The following DGKI variants were observed in gnomAD, a reference collection of about 807,000 sequenced individuals.
DGKI encodes the protein DAG kinase iota.
A neutral mutation model predicts 147.5 loss-of-function variants in DGKI; 55 were observed. The ratio of observed to expected loss-of-function variants is 0.37; its 90% CI spans 0.30 to 0.47. The LOEUF (loss-of-function observed/expected upper bound fraction) is 0.47. Ranked by LOEUF, DGKI falls within the 20% of genes least tolerant of loss-of-function variation. The probability of loss-of-function intolerance (pLI) is 1.00; values close to 1 mark genes in which losing one functional copy is unlikely to be tolerated. For missense variants in DGKI, 1,007 were observed against 1,323.8 expected (o/e 0.76, Z 3.71); for synonymous variants, 469 against 477.1 (o/e 0.98, Z 0.22).
rs145700961 is a variant in DGKI at position 137,568,186 on chromosome 7, T to G, written c.1947+2989A>C. On this transcript the variant is annotated intron_variant, in intron 19 of 32. Transcript: ENST00000614521. ...TTACCCACATCTTTAGCACCACCTGTGATCACTCTCTCTTTTCACCTACAT... is the reference window on the plus strand; with the variant it reads ...TTACCCACATCTTTAGCACCACCTGGGATCACTCTCTCTTTTCACCTACAT... Among the ~76,000 whole-genome samples the G allele has an allele frequency of 5.2e-3, 798 of 152,316 alleles. 13 individuals carry two copies. The highest frequency in any genetic ancestry group is 0.018 in the African/African-American group (752 of 41,564).
At chr7:137,843,672 T>C (rs1798617153) in intron 1 of DGKI, among the ~76,000 whole-genome samples, 1 of 151,744 alleles carries the variant, frequency 6.6e-6, no homozygotes, top group African/African-American at 2.4e-5. Context: ...CAGGAGTCAC[T>C]GCATATGCCC....
At chr7:137,458,801 C>T (rs1397896962) in intron 27 of DGKI, among the ~76,000 whole-genome samples, 6 of 152,130 alleles carry the variant, frequency 3.9e-5, no homozygotes, top group African/African-American at 1.4e-4. Context: ...TGTCACTAAT[C>T]GTGGTGGTAC....
At chr7:137,788,860 C>G (rs1206516959) in intron 1 of DGKI, among the ~76,000 whole-genome samples, 1 of 152,170 alleles carries the variant, frequency 6.6e-6, no homozygotes, top group Non-Finnish European at 1.5e-5. Context: ...CTGTGCTTCA[C>G]TATGTGCCCT....
intron 1 of DGKI, among the ~76,000 whole-genome samples, chr7:137,717,004 T>C (rs371197212): frequency 2.0e-5 from 3 of 152,236 alleles, no homozygotes; most frequent in African/African-American, 7.2e-5. Flanking sequence ...TCTTTTCTTA[T>C]GGAACTCATC....
intron 1 of DGKI, among the ~76,000 whole-genome samples, chr7:137,701,924 G>T (rs1823998272): frequency 6.6e-6 from 1 of 152,110 alleles, no homozygotes; most frequent in South Asian, 2.1e-4. Context: ...GTATTATAAA[G>T]CTATAGAAAT....
intron 12 of DGKI, among the ~76,000 whole-genome samples, chr7:137,591,160 C>T (rs781164397): frequency 6.6e-6 from 1 of 152,224 alleles, no homozygotes; most frequent in Non-Finnish European, 1.5e-5. Context: ...TACCCTTGGT[C>T]TATGCAGAAA....
rs548266429 is a variant in DGKI, at chr7:137,682,160, G to A, written c.511-3508C>T. On this transcript the variant is annotated intron_variant, in intron 2 of 32. Coordinates refer to ENST00000614521, the MANE Select transcript of DGKI (RefSeq NM_001321708.2). ...AGCTGAGTGTGGTCTTGGGGGTCCC[G>A]AACTTGCAACTGATGTCAGAAGACA... Among the ~76,000 whole-genome samples the A allele has an allele frequency of 4.6e-5, 7 of 151,966 alleles. No homozygotes were observed. The East Asian group carries it at 9.7e-4, about 21-fold the overall frequency.
chr7:137,738,563 T>C (rs1795088145), intron 1 of DGKI, among the ~76,000 whole-genome samples: 1 of 152,170 alleles, frequency 6.6e-6, no homozygotes, highest in East Asian at 1.9e-4. Flanking sequence ...TTATAAACTT[T>C]AAGCATTAAC....
At chr7:137,493,210 T>A (rs1815835790) in intron 21 of DGKI, among the ~76,000 whole-genome samples, 1 of 152,070 alleles carries the variant, frequency 6.6e-6, no homozygotes, top group African/African-American at 2.4e-5. Flanking sequence ...TGCCCTATGT[T>A]GCCATTGCCT....
intron 20 of DGKI, among the ~76,000 whole-genome samples, chr7:137,545,590 A>C (rs1817837051): frequency 6.6e-6 from 1 of 152,192 alleles, no homozygotes; most frequent in African/African-American, 2.4e-5. Context: ...GTAATGACAT[A>C]GTCTAACGGT....
intron 28 of DGKI, among the ~76,000 whole-genome samples, chr7:137,413,400 G>A (rs1194216138): frequency 5.4e-5 from 8 of 147,578 alleles, no homozygotes; most frequent in Non-Finnish European, 1.0e-4. Context: ...AGTGAACATA[G>A]TACTCAACAA....
intron 1 of DGKI, among the ~76,000 whole-genome samples, chr7:137,781,853 C>A (rs926380302): frequency 2.6e-5 from 4 of 152,178 alleles, no homozygotes; most frequent in Admixed American, 2.6e-4. Flanking sequence ...ATGATGGCAT[C>A]CTACGAGTTG....
intron 28 of DGKI, among the ~76,000 whole-genome samples, 197 bp from the exon 29 acceptor site, chr7:137,412,404 A>G (rs920779526): frequency 9.9e-5 from 15 of 152,114 alleles, no homozygotes; most frequent in Admixed American, 2.6e-4. Flanking sequence ...GCACCCTTCT[A>G]GGGCCCATGC....
intron 17 of DGKI, among the ~76,000 whole-genome samples, chr7:137,575,722 G>A (rs1461470707): frequency 1.3e-5 from 2 of 152,164 alleles, no homozygotes; most frequent in Non-Finnish European, 2.9e-5. Context: ...CTAGCTTTAA[G>A]AAGGCAATAT....
intron 10 of DGKI, among the ~76,000 whole-genome samples, chr7:137,607,405 G>C (rs1390230654): frequency 6.6e-6 from 1 of 152,116 alleles, no homozygotes; most frequent in African/African-American, 2.4e-5. Flanking sequence ...GAAATAGGAA[G>C]CAATATTAGA....
chr7:137,645,489 A>G lies in DGKI; in HGVS notation c.787T>C (p.Cys263Arg). 1.2e-6 allele frequency: 2 copies of G among 1,613,560 alleles called. No individual in the cohort carries two copies. Among genetic ancestry groups the G allele is most frequent in the Non-Finnish European group, 1.7e-6 (2 of 1,179,656 alleles). ...WVHRRRQEGKCKQCGKGFQQK... is the reference protein window; with the variant it reads ...WVHRRRQEGKRKQCGKGFQQK... ...GCTCTTACCTTACCACACTGCTTAC[A>G]TTTCCCCTCCTGCCGACGCCTGTGC... Residue 263 changes from cysteine to arginine, a missense_variant, in exon 6 of 33, where the codon TGT becomes CGT. By Grantham distance (180) the Cys-to-Arg change is radical (BLOSUM62 -3). This residue lies in a region of DGKI where 259 missense variants were observed against 362.5 expected (regional missense o/e 0.71). Coordinates refer to ENST00000614521, the MANE Select transcript of DGKI (RefSeq NM_001321708.2).
intron 19 of DGKI, among the ~76,000 whole-genome samples, chr7:137,570,793 T>C: frequency 6.6e-6 from 1 of 152,276 alleles, no homozygotes; most frequent in Non-Finnish European, 1.5e-5. Flanking sequence ...TTCACCATGT[T>C]GGTCAGGCTC....
chr7:137,820,208 G>A (rs981207153), intron 1 of DGKI, among the ~76,000 whole-genome samples: 1 of 152,152 alleles, frequency 6.6e-6, no homozygotes, highest in Non-Finnish European at 1.5e-5. Context: ...GGATGCTAAA[G>A]TCAGAGAAAT....
At position 137,395,580 on chromosome 7, in the gene DGKI, A is replaced by T. The variant is rs781723709; in HGVS notation, c.3057+18T>A. 4 of 1,608,572 alleles carry T rather than the reference A, an allele frequency of 2.5e-6. No homozygotes were observed. The highest frequency in any genetic ancestry group is 2.2e-5 in the East Asian group (1 of 44,756). On this transcript the variant is annotated intron_variant, in intron 32 of 32. Coordinates refer to ENST00000614521, the MANE Select transcript of DGKI (RefSeq NM_001321708.2). ...TCTCGCCCAGCGGGAGGATGTTTGC[A>T]CTCACTCATCGAGTTACCTTGGAGT...
Sources: gnomAD v4.1 joint callset for allele counts (sites outside exome capture counted in the v4.1 genomes callset) on GRCh38, gnomAD v4.1.1 for gene constraint, gnomAD v4.1.1 regional missense constraint, MANE v1.5 for transcripts, NCBI Gene and HGNC (gene_info 2026-07-23, HGNC 2026-07-21) for gene names.